GRM1: variants seen among roughly 807,000 people sequenced by gnomAD.
GRM1 encodes metabotropic glutamate receptor 1.
In GRM1, 33 loss-of-function variants were observed where a neutral mutation model predicts 90.9. The observed-to-expected ratio is 0.36, with a 90% confidence interval of 0.28 to 0.49. The LOEUF (loss-of-function observed/expected upper bound fraction) is 0.49, where lower values mean the gene tolerates loss of function less well. Ranked by LOEUF, GRM1 falls within the 20% of genes least tolerant of loss-of-function variation. GRM1 has a pLI of 0.99. For missense variants in GRM1, 1,190 were observed against 1,534.3 expected (o/e 0.78, Z 3.75); for synonymous variants, 700 against 613.2 (o/e 1.14, Z -2.09).
intron 2 of GRM1, among the ~76,000 whole-genome samples, chr6:146,213,420 C>T (rs755800496): frequency 2.0e-5 from 3 of 152,022 alleles, no homozygotes; most frequent in Non-Finnish European, 4.4e-5. Context: ...GGCAGATTTG[C>T]ATTTTAGAAA....
chr6:146,284,658 T>C (rs1478496547), intron 2 of GRM1, among the ~76,000 whole-genome samples: 1 of 152,172 alleles, frequency 6.6e-6, no homozygotes, highest in East Asian at 1.9e-4. Context: ...TGACATATGA[T>C]GGTTTTAAAA....
chr6:146,427,273 G>C (rs1394062876), intron 7 of GRM1, among the ~76,000 whole-genome samples: 1 of 152,110 alleles, frequency 6.6e-6, no homozygotes, highest in Non-Finnish European at 1.5e-5. Context: ...TGATAAAAAT[G>C]ATGCATGTTT....
chr6:146,103,198 C>T lies in GRM1; in HGVS notation c.701-56150C>T, dbSNP rs1470754364. ...TGCATAATGATATAAGTATATTTGA[C>T]GGCATTGGAAATCCTAACCAGCATT... On this transcript the variant is annotated intron_variant, in intron 1 of 7. Coordinates refer to ENST00000282753, the MANE Select transcript of GRM1 (RefSeq NM_001278064.2). 6.6e-5 allele frequency among the ~76,000 whole-genome samples: 10 copies of T among 152,276 alleles called. No homozygotes were observed. The South Asian group carries it at 8.3e-4, about 13-fold the overall frequency.
chr6:146,341,293 C>G (rs1338287719), intron 3 of GRM1, among the ~76,000 whole-genome samples: 1 of 152,192 alleles, frequency 6.6e-6, no homozygotes, highest in East Asian at 1.9e-4. Context: ...CTCCCTCCCT[C>G]TCTCTAGAAT....
chr6:146,047,239 T>A (rs1011872236), intron 1 of GRM1, among the ~76,000 whole-genome samples: 2 of 151,984 alleles, frequency 1.3e-5, no homozygotes, highest in African/African-American at 2.4e-5. Flanking sequence ...TACCAAAGAC[T>A]GATAAATAGG....
At chr6:146,293,785 T>C (rs2114893301) in intron 2 of GRM1, among the ~76,000 whole-genome samples, 1 of 151,882 alleles carries the variant, frequency 6.6e-6, no homozygotes, top group South Asian at 2.1e-4. Context: ...AATATACTAT[T>C]GTTCAGATAT....
Position 146,434,593 on chromosome 6 carries a change from G to A in GRM1, c.3382G>A (p.Glu1128Lys), listed in dbSNP as rs1293559679. 2 of 1,613,874 alleles carry A rather than the reference G, an allele frequency of 1.2e-6. No individual in the cohort carries two copies. Among genetic ancestry groups the A allele is most frequent in the South Asian group, 2.2e-5 (2 of 91,080 alleles). The change falls in exon 8 of 8, where the codon GAG becomes AAG. Residue 1128 changes from glutamate (E) to lysine (K), a missense_variant. Around this residue, in one of 10 missense-constraint regions of GRM1, gnomAD observed 400 missense variants for 360.8 expected, o/e 1.11. Coordinates refer to ENST00000282753, the MANE Select transcript of GRM1 (RefSeq NM_001278064.2). ...NTEEDELEEE[E>K]EDLQAASKLT... ...GGAAGAAGACGAACTGGAAGAGGAG[G>A]AGGAGGACCTGCAGGCGGCCAGCAA...
chr6:146,431,005 T>C (rs1778387183), intron 7 of GRM1, among the ~76,000 whole-genome samples: 2 of 152,216 alleles, frequency 1.3e-5, no homozygotes, highest in African/African-American at 4.8e-5. Context: ...TCAGATTATC[T>C]ATGGACCACA....
intron 1 of GRM1, among the ~76,000 whole-genome samples, chr6:146,044,680 C>A (rs1791257010): frequency 6.6e-6 from 1 of 151,856 alleles, no homozygotes; most frequent in Non-Finnish European, 1.5e-5. Flanking sequence ...AAGGCAAATT[C>A]ATTTTTTTGG....
intron 2 of GRM1, among the ~76,000 whole-genome samples, chr6:146,230,917 A>G (rs970813214): frequency 2.0e-5 from 3 of 152,178 alleles, no homozygotes; most frequent in African/African-American, 4.8e-5. Context: ...AAAAAACTAC[A>G]TACTATATAA....
At chr6:146,142,453 A>G (rs534625104) in intron 1 of GRM1, among the ~76,000 whole-genome samples, 1 of 152,090 alleles carries the variant, frequency 6.6e-6, no homozygotes, top group African/African-American at 2.4e-5. Context: ...ATGTGACAAA[A>G]CAAGTCAGGC....
chr6:146,128,582 A>G (rs1167702404), intron 1 of GRM1, among the ~76,000 whole-genome samples: 6 of 152,196 alleles, frequency 3.9e-5, no homozygotes, highest in Admixed American at 1.3e-4. Flanking sequence ...ATCAAACAAG[A>G]ACATATACAT....
intron 1 of GRM1, among the ~76,000 whole-genome samples, chr6:146,083,874 T>G (rs1405493363): frequency 1.3e-5 from 2 of 152,224 alleles, no homozygotes; most frequent in Non-Finnish European, 2.9e-5. Context: ...AGGCTTTTCT[T>G]GGTTAGTAAG....
At chr6:146,262,824 C>A (rs1297153196) in intron 2 of GRM1, among the ~76,000 whole-genome samples, 1 of 151,314 alleles carries the variant, frequency 6.6e-6, no homozygotes, top group Non-Finnish European at 1.5e-5. Context: ...TGTTTAAACC[C>A]CAAATTTAAA....
chr6:146,347,421 G>A (rs909622163), intron 3 of GRM1, among the ~76,000 whole-genome samples: 4 of 152,110 alleles, frequency 2.6e-5, no homozygotes, highest in Non-Finnish European at 5.9e-5. Context: ...GTAGACCTAG[G>A]AATATACTTG....
intron 7 of GRM1, among the ~76,000 whole-genome samples, chr6:146,426,163 G>T (rs1043087424): frequency 6.6e-6 from 1 of 150,862 alleles, no homozygotes; most frequent in Non-Finnish European, 1.5e-5. Context: ...AAAAGTCACA[G>T]TGTCAGACAT....
chr6:146,262,057 CAT>C (rs1781712272), intron 2 of GRM1, among the ~76,000 whole-genome samples: 1 of 61,766 alleles, frequency 1.6e-5, no homozygotes, highest in African/African-American at 8.3e-5. Flanking sequence ...AATTTCAAAA[CAT>C]AAAAAATTCT....
chr6:146,247,800 GTGTGTA>G (rs974437385), intron 2 of GRM1, among the ~76,000 whole-genome samples: 42 of 131,016 alleles, frequency 3.2e-4, no homozygotes, highest in East Asian at 8.6e-4. Flanking sequence ...GTGTGTGTGT[GTGTGTA>G]TATATATATA....
intron 7 of GRM1, among the ~76,000 whole-genome samples, chr6:146,431,989 G>T (rs1778428297): frequency 6.6e-6 from 1 of 152,172 alleles, no homozygotes; most frequent in Non-Finnish European, 1.5e-5. Flanking sequence ...CTGGCTAGCT[G>T]GTTGACTACC....
Sources: allele counts gnomAD v4.1 joint callset (sites outside exome capture counted in the v4.1 genomes callset), GRCh38; gene constraint gnomAD v4.1.1; regional missense constraint gnomAD v4.1.1; transcripts MANE v1.5; gene names NCBI Gene and HGNC (gene_info 2026-07-23, HGNC 2026-07-21).